The following KCNU1 variants were observed in gnomAD, a reference collection of about 807,000 sequenced individuals.
KCNU1 encodes potassium channel subfamily U member 1.
A neutral mutation model predicts 126.8 loss-of-function variants in KCNU1; 93 were observed. That is an observed-to-expected ratio of 0.73 (90% CI 0.62 to 0.87). KCNU1 has a LOEUF of 0.87. KCNU1 is among the 40% of genes least tolerant of loss of function. The probability of loss-of-function intolerance (pLI) is 0.00; values close to 1 mark genes in which losing one functional copy is unlikely to be tolerated. For synonymous variants in KCNU1, 523 were observed against 494.2 expected (o/e 1.06, Z -0.77); for missense variants, 1,330 against 1,367.1 (o/e 0.97, Z 0.43).
At chr8:36,885,726 G>A (rs1297443981) in intron 19 of KCNU1, among the ~76,000 whole-genome samples, 5 of 152,112 alleles carry the variant, frequency 3.3e-5, no homozygotes, top group African/African-American at 1.2e-4. Context: ...CCAGGAGGTG[G>A]AGGTTGTGGT....
intron 22 of KCNU1, among the ~76,000 whole-genome samples, chr8:36,915,034 C>G (rs1189713695): frequency 6.6e-6 from 1 of 152,158 alleles, no homozygotes; most frequent in Non-Finnish European, 1.5e-5. Context: ...CAGATGCTGT[C>G]CTTCAGCCGG....
chr8:36,801,526 C>A (rs537062185), intron 2 of KCNU1, among the ~76,000 whole-genome samples: 28 of 151,622 alleles, frequency 1.8e-4, no homozygotes, highest in Non-Finnish European at 1.2e-4. Context: ...ATCATCTTTC[C>A]AGAAATCTGT....
intron 3 of KCNU1, among the ~76,000 whole-genome samples, 176 bp from the exon 4 acceptor site, chr8:36,805,019 G>C (rs894298006): frequency 3.9e-5 from 6 of 152,216 alleles, no homozygotes; most frequent in African/African-American, 1.4e-4. Flanking sequence ...CACTGGTTTT[G>C]TTCATGCATT....
chr8:36,814,850 T>C (rs1258489444), intron 8 of KCNU1, among the ~76,000 whole-genome samples: 1 of 152,182 alleles, frequency 6.6e-6, no homozygotes, highest in Non-Finnish European at 1.5e-5. Context: ...TTTCTTTTAG[T>C]GACTTTCATT....
chr8:36,880,989 A>G lies in KCNU1; in HGVS notation c.2009+16468A>G, dbSNP rs1188324566. ...TGGATTGCTTTGCAGGGCCCTGGGC[A>G]TCAATATAAAAAAAAATAAAAGGAG... is the stretch of plus-strand genomic sequence containing the variant. On this transcript the variant is annotated intron_variant, in intron 19 of 26. Coordinates refer to ENST00000399881, the MANE Select transcript of KCNU1 (RefSeq NM_001031836.3). Among the ~76,000 whole-genome samples, 3 of 152,072 alleles carry G rather than the reference A, an allele frequency of 2.0e-5. No individual in the cohort carries two copies. The East Asian group carries it at 5.8e-4, about 29-fold the overall frequency.
chr8:36,918,846 G>C lies in KCNU1; in HGVS notation c.2545G>C (p.Gly849Arg). The C allele has an allele frequency of 6.2e-7, 1 of 1,608,248 alleles. No homozygotes were observed. Among genetic ancestry groups the C allele is most frequent in the Non-Finnish European group, 8.5e-7 (1 of 1,174,838 alleles). ...AGAGGAGACTCCAGGTTACACAAATGGACATAATGAGAAATCAAACTGCCG... is the reference window on the plus strand; with the variant it reads ...AGAGGAGACTCCAGGTTACACAAATCGACATAATGAGAAATCAAACTGCCG... Reference protein sequence around the residue: ...VSEETPGYTNGHNEKSNCRKV... With the variant: ...VSEETPGYTNRHNEKSNCRKV... The change falls in exon 23 of 27, where the codon GGA becomes CGA. Residue 849 changes from glycine to arginine, a missense_variant. By Grantham distance (125) the Gly-to-Arg change is moderately radical. Coordinates refer to ENST00000399881, the MANE Select transcript of KCNU1 (RefSeq NM_001031836.3).
intron 2 of KCNU1, among the ~76,000 whole-genome samples, chr8:36,796,328 T>C (rs1803097876): frequency 1.3e-5 from 2 of 152,220 alleles, no homozygotes; most frequent in Non-Finnish European, 2.9e-5. Flanking sequence ...ACATGATCAA[T>C]TTTTACTACC....
At chr8:36,799,850 T>C (rs1404272789) in intron 2 of KCNU1, among the ~76,000 whole-genome samples, 1 of 152,056 alleles carries the variant, frequency 6.6e-6, no homozygotes, top group East Asian at 1.9e-4. Flanking sequence ...CCTTGCACTT[T>C]TAATTATAAT....
At position 36,909,333 on chromosome 8, in the gene KCNU1, A is replaced by G. The variant is rs774264469; in HGVS notation, c.2129A>G (p.Tyr710Cys). The G allele has an allele frequency of 1.2e-6, 2 of 1,613,122 alleles. No homozygotes were observed. The highest frequency in any genetic ancestry group is 1.3e-5 in the African/African-American group (1 of 74,906). The change falls in exon 21 of 27, where the codon TAT (tyrosine) becomes TGT (cysteine). Residue 710 changes from tyrosine to cysteine, a missense_variant. Tyr to Cys is a radical substitution (Grantham distance 194). Transcript: ENST00000399881. ...TAGAAACGAACTGGCAAGTCAAAGT[A>G]TAAGTTTCGGAACCATATTGTAGCA... is the stretch of plus-strand genomic sequence containing the variant. ...VTLKRTGKSK[Y>C]KFRNHIVACV... is the part of the protein sequence containing the mutation.
At chr8:36,867,203 T>G (rs1805942254) in intron 19 of KCNU1, among the ~76,000 whole-genome samples, 1 of 152,070 alleles carries the variant, frequency 6.6e-6, no homozygotes, top group African/African-American at 2.4e-5. Flanking sequence ...TGGCAGAAGG[T>G]AGGGGAAGAC....
At position 36,843,137 on chromosome 8, in the gene KCNU1, A is replaced by G. The variant is rs1805017886; in HGVS notation, c.1703+2134A>G. ...GCCCTTAAGATCTTTTCCACCTTTA[A>G]CATTCTAGATTTCTGTAAACTTTAT... On this transcript the variant is annotated intron_variant, in intron 16 of 26. Transcript: ENST00000399881. Among the ~76,000 whole-genome samples the G allele has an allele frequency of 3.9e-5, 6 of 152,270 alleles. No individual in the cohort carries two copies. The South Asian group carries it at 1.2e-3, about 32-fold the overall frequency.
Position 36,836,294 on chromosome 8 carries a change from A to G in KCNU1, c.1296-2A>G. ...TAATGAGAGTGTTTGGGGTTTATAT[A>G]GGGTGCTCTCTATCAAGAACTATGA... On this transcript the variant is annotated splice_acceptor_variant, in intron 12 of 26. Transcript: ENST00000399881. LOFTEE classifies it high-confidence loss of function. 1.3e-6 allele frequency: 2 copies of G among 1,593,778 alleles called. No homozygotes were observed. The highest frequency in any genetic ancestry group is 1.7e-6 in the Non-Finnish European group (2 of 1,162,186).
At chr8:36,800,145 T>C (rs1803251307) in intron 2 of KCNU1, among the ~76,000 whole-genome samples, 1 of 152,164 alleles carries the variant, frequency 6.6e-6, no homozygotes, top group Admixed American at 6.5e-5. Context: ...ATGAAAGTCA[T>C]TCCATATACT....
chr8:36,867,305 T>A (rs1233140437), intron 19 of KCNU1, among the ~76,000 whole-genome samples: 2 of 152,080 alleles, frequency 1.3e-5, no homozygotes, highest in Non-Finnish European at 2.9e-5. Context: ...TCTCAACTTC[T>A]GTGAATAGTG....
At chr8:36,831,721 C>G (rs1804555674) in intron 10 of KCNU1, among the ~76,000 whole-genome samples, 1 of 148,748 alleles carries the variant, frequency 6.7e-6, no homozygotes, top group Non-Finnish European at 1.5e-5. Flanking sequence ...CCTGTTCACT[C>G]TGATGGTAGT....
chr8:36,802,306 T>G (rs1488643880), intron 2 of KCNU1, among the ~76,000 whole-genome samples: 1 of 152,034 alleles, frequency 6.6e-6, no homozygotes, highest in Non-Finnish European at 1.5e-5. Flanking sequence ...GGTACTTTCC[T>G]CTCATCTCAA....
In KCNU1 at chr8:36,784,553, T is replaced by C. The variant is rs1231172069; in HGVS notation, c.143T>C (p.Ile48Thr). The C allele has an allele frequency of 6.2e-7, 1 of 1,613,742 alleles. No individual in the cohort carries two copies. The highest frequency in any genetic ancestry group is 8.5e-7 in the Non-Finnish European group (1 of 1,179,744). The change falls in exon 1 of 27, where the codon ATC (isoleucine) becomes ACC (threonine). Residue 48 changes from isoleucine to threonine, a missense_variant. Around this residue, in one of 3 missense-constraint regions of KCNU1, gnomAD observed 247 missense variants for 255.4 expected, o/e 0.97. Coordinates refer to ENST00000399881, the MANE Select transcript of KCNU1 (RefSeq NM_001031836.3). Reference sequence around the variant, plus strand: ...ATCATCCTGTTGATCTTCAGGCTGATCTGGAGATCTGTTAAAAAATGGCAA... The same window carrying C: ...ATCATCCTGTTGATCTTCAGGCTGACCTGGAGATCTGTTAAAAAATGGCAA... Reference protein sequence around the residue: ...GLIILLIFRLIWRSVKKWQII... With the variant: ...GLIILLIFRLTWRSVKKWQII...
Position 36,817,601 on chromosome 8 carries a change from G to C in KCNU1, c.996-49G>C, listed in dbSNP as rs757284049. ...ATTTATCTCTAAATGCTGACAGGAA[G>C]GTGCTTATGTGCCTCGGATGATCCA... On this transcript the variant is annotated intron_variant, in intron 9 of 26. Transcript: ENST00000399881. 5 of 873,458 alleles carry C rather than the reference G, an allele frequency of 5.7e-6. No homozygotes were observed. In the South Asian group the frequency reaches 7.1e-5, roughly 12 times the overall value. The allele number at this position is 873,458 out of a possible 1,614,324, so 54.1% of individuals were successfully genotyped here.
intron 22 of KCNU1, among the ~76,000 whole-genome samples, chr8:36,917,061 T>C (rs1253061068): frequency 1.3e-5 from 2 of 152,112 alleles, no homozygotes; most frequent in East Asian, 1.9e-4. Context: ...CCATTGTCTG[T>C]TTTTCAGGGG....
Sources: allele counts gnomAD v4.1 joint callset (sites outside exome capture counted in the v4.1 genomes callset), GRCh38; gene constraint gnomAD v4.1.1; regional missense constraint gnomAD v4.1.1; transcripts MANE v1.5; gene names NCBI Gene and HGNC (gene_info 2026-07-23, HGNC 2026-07-21).